The following NEO1 variants were observed in gnomAD, a reference collection of about 807,000 sequenced individuals.
NEO1 encodes the protein neogenin.
A neutral mutation model predicts 159.7 loss-of-function variants in NEO1; 63 were observed. The observed-to-expected ratio is 0.39, with a 90% CI of 0.32 to 0.49. NEO1 has a LOEUF of 0.49. Ranked by LOEUF, NEO1 falls within the 20% of genes least tolerant of loss-of-function variation. NEO1 has a pLI of 0.85. For missense variants in NEO1, 1,615 were observed against 1,831.0 expected, an observed-to-expected ratio of 0.88 and a Z score of 2.15; for synonymous variants, 633 against 662.0, an observed-to-expected ratio of 0.96 and a Z score of 0.67.
In NEO1 at chr15:73,218,139, C is replaced by T. The variant is rs1022026918; in HGVS notation, c.1292-18208C>T. Among the ~76,000 whole-genome samples the T allele has an allele frequency of 5.9e-5, 9 of 152,198 alleles. 1 individual carries two copies. In the South Asian group the frequency reaches 1.0e-3, roughly 18 times the overall value. On this transcript the variant is annotated intron_variant, in intron 7 of 28. Transcript: ENST00000261908. ...TATTGAGAGTTTTTAGCATGAACGGCTGTTGAATTTTGTCAAAGGCCTTTT... is the reference window on the plus strand; with the variant it reads ...TATTGAGAGTTTTTAGCATGAACGGTTGTTGAATTTTGTCAAAGGCCTTTT...
rs1469852972 is a variant in NEO1, at chr15:73,283,227, T to C, written c.3410+116T>C. The C allele has an allele frequency of 1.5e-5, 18 of 1,212,588 alleles. No homozygotes were observed. The East Asian group carries it at 3.8e-4, about 26-fold the overall frequency. 75.1% of individuals were successfully genotyped at this position (1,212,588 alleles called of 1,614,324 possible). ...AGACATAAAAATACATGAAAAGGAATTTAAGATATTTTAAAAGAAAATGGG... is the reference window on the plus strand; with the variant it reads ...AGACATAAAAATACATGAAAAGGAACTTAAGATATTTTAAAAGAAAATGGG... On this transcript the variant is annotated intron_variant, in intron 23 of 28. Coordinates refer to ENST00000261908, the MANE Select transcript of NEO1 (RefSeq NM_002499.4).
chr15:73,270,654 T>G (rs548613070), intron 18 of NEO1, among the ~76,000 whole-genome samples, 200 bp downstream of exon 18: 7 of 152,326 alleles, frequency 4.6e-5, no homozygotes, highest in African/African-American at 9.6e-5. Context: ...AGGGAAAACA[T>G]GATAAATTAC....
At chr15:73,220,547 T>C (rs1025837369) in intron 7 of NEO1, among the ~76,000 whole-genome samples, 4 of 152,350 alleles carry the variant, frequency 2.6e-5, no homozygotes, top group East Asian at 1.9e-4. Flanking sequence ...CCATTCTCCC[T>C]GTCATTTTCA....
intron 6 of NEO1, 97 bp from the exon 7 acceptor site, chr15:73,178,210 A>C: frequency 8.9e-7 from 1 of 1,117,678 alleles, no homozygotes; most frequent in Non-Finnish European, 1.3e-6. Flanking sequence ...TAAAAACTTT[A>C]CTTGTTTTTT....
At chr15:73,112,430 A>T (rs541735366) in intron 1 of NEO1, among the ~76,000 whole-genome samples, 280 of 151,514 alleles carry the variant, frequency 1.8e-3, no homozygotes, top group African/African-American at 4.4e-3. Context: ...GCCATAAAAA[A>T]TTTTTTTTTA....
chr15:73,225,608 C>T (rs1236147873), intron 7 of NEO1, among the ~76,000 whole-genome samples: 1 of 152,072 alleles, frequency 6.6e-6, no homozygotes, highest in Non-Finnish European at 1.5e-5. Flanking sequence ...CACCCAGCTC[C>T]CACGCAAACC....
chr15:73,197,628 A>G (rs1186443286), intron 7 of NEO1, among the ~76,000 whole-genome samples: 2 of 150,910 alleles, frequency 1.3e-5, no homozygotes, highest in Non-Finnish European at 2.9e-5. Flanking sequence ...GTCCTAGTTA[A>G]TTCTTGTTGC....
At chr15:73,197,765 C>G (rs2036620265) in intron 7 of NEO1, among the ~76,000 whole-genome samples, 1 of 150,292 alleles carries the variant, frequency 6.7e-6, no homozygotes, top group Admixed American at 6.7e-5. Context: ...ACTGCAGCCT[C>G]TTCCTCCTGT....
chr15:73,106,181 C>G (rs1000641981), intron 1 of NEO1, among the ~76,000 whole-genome samples: 1 of 152,090 alleles, frequency 6.6e-6, no homozygotes, highest in African/African-American at 2.4e-5. Context: ...GCTTTGATTC[C>G]TCACAATTAT....
intron 7 of NEO1, among the ~76,000 whole-genome samples, chr15:73,191,313 T>C (rs1260948496): frequency 6.6e-6 from 1 of 152,092 alleles, no homozygotes; most frequent in Non-Finnish European, 1.5e-5. Context: ...AATTGTTAAG[T>C]ACTCTGTAAC....
At chr15:73,135,387 A>G (rs1384682533) in intron 4 of NEO1, among the ~76,000 whole-genome samples, 1 of 152,094 alleles carries the variant, frequency 6.6e-6, no homozygotes, top group African/African-American at 2.4e-5. Context: ...TCTCCTAGAT[A>G]AGCTACCATA....
intron 8 of NEO1, among the ~76,000 whole-genome samples, chr15:73,237,755 A>T (rs569397158): frequency 6.6e-6 from 1 of 152,370 alleles, no homozygotes; most frequent in East Asian, 1.9e-4. Context: ...CATTCCTACC[A>T]AACAGCAAGT....
At chr15:73,150,624 G>A (rs2033291924) in intron 5 of NEO1, among the ~76,000 whole-genome samples, 1 of 152,008 alleles carries the variant, frequency 6.6e-6, no homozygotes, top group Non-Finnish European at 1.5e-5. Context: ...TATTTTGTTT[G>A]CAGTTTTTTT....
At position 73,201,954 on chromosome 15, in the gene NEO1, C is replaced by CTTT. The variant is rs1206304409; in HGVS notation, c.1291+23548_1291+23550dup. On this transcript the variant is annotated intron_variant, in intron 7 of 28. Transcript: ENST00000261908. The stretch of plus-strand genomic sequence containing the variant: ...ATTAATTATAGCAAGCTATATCATT[C>CTTT]TTTTTTTTTTTTTTTTTTTTTTTGA... Among the ~76,000 whole-genome samples, 544 of 83,360 alleles carry CTTT rather than the reference C, an allele frequency of 6.5e-3. 4 individuals carry two copies. Among genetic ancestry groups the CTTT allele is most frequent in the African/African-American group, 0.01 (211 of 20,532 alleles). 54.7% of individuals were successfully genotyped at this position (83,360 alleles called of 152,430 possible).
At chr15:73,075,745 G>A (rs897455070) in intron 1 of NEO1, among the ~76,000 whole-genome samples, 2 of 152,270 alleles carry the variant, frequency 1.3e-5, no homozygotes, top group African/African-American at 4.8e-5. Flanking sequence ...AAATAGTGCT[G>A]TCCTATTGTA....
rs146486874 is a variant in NEO1, at chr15:73,147,726, C to T, written c.1015+11699C>T. Among the ~76,000 whole-genome samples, 363 of 152,082 alleles carry T rather than the reference C, an allele frequency of 2.4e-3. 3 individuals are homozygous for T. Among genetic ancestry groups the T allele is most frequent in the African/African-American group, 7.5e-3 (311 of 41,466 alleles). ...TTTCAAGCATTCCTTAATAATTAGCCCACTCTGGGTCTCTTATTTATTAAT... is the reference window on the plus strand; with the variant it reads ...TTTCAAGCATTCCTTAATAATTAGCTCACTCTGGGTCTCTTATTTATTAAT... On this transcript the variant is annotated intron_variant, in intron 5 of 28. Transcript: ENST00000261908.
At position 73,154,884 on chromosome 15, in the gene NEO1, G is replaced by A. The variant is rs571183265; in HGVS notation, c.1015+18857G>A. On this transcript the variant is annotated intron_variant, in intron 5 of 28. Transcript: ENST00000261908. ...TGTGAGGTTTTGATCCTGTTACATT[G>A]TGAATTGTTTTCTAGTTGTTTTATA... is the stretch of plus-strand genomic sequence containing the variant. Among the ~76,000 whole-genome samples the A allele has an allele frequency of 9.2e-5, 14 of 152,190 alleles. No individual in the cohort carries two copies. The East Asian group carries it at 2.7e-3, about 29-fold the overall frequency.
chr15:73,226,427 G>A (rs1345661306), intron 7 of NEO1, among the ~76,000 whole-genome samples: 1 of 152,138 alleles, frequency 6.6e-6, no homozygotes, highest in Admixed American at 6.6e-5. Context: ...TGGATCCCCA[G>A]ACTGGATTAC....
chr15:73,189,114 A>G (rs2036097906), intron 7 of NEO1, among the ~76,000 whole-genome samples: 1 of 152,168 alleles, frequency 6.6e-6, no homozygotes, highest in Admixed American at 6.5e-5. Context: ...ATGCAAAAAT[A>G]AACTTCATTA....
Sources: gnomAD v4.1 joint callset for allele counts (sites outside exome capture counted in the v4.1 genomes callset) on GRCh38, gnomAD v4.1.1 for gene constraint, MANE v1.5 for transcripts, NCBI Gene and HGNC (gene_info 2026-07-23, HGNC 2026-07-21) for gene names.